DYM: variants seen among roughly 807,000 people sequenced by gnomAD.
The protein encoded by DYM is dyggve-Melchior-Clausen syndrome protein.
A neutral mutation model predicts 93.1 loss-of-function variants in DYM; 78 were observed. That is an observed-to-expected ratio of 0.84 (90% CI 0.70 to 1.01). The LOEUF is 1.01. DYM is among the 50% of genes least tolerant of loss of function. The probability of loss-of-function intolerance (pLI) is 0.00; values close to 1 mark genes in which losing one functional copy is unlikely to be tolerated. For synonymous variants in DYM, 321 were observed against 319.7 expected (o/e 1.00, Z -0.04); for missense variants, 789 against 845.0 (o/e 0.93, Z 0.82).
At chr18:49,289,380 T>C (rs1206277372) in intron 8 of DYM, among the ~76,000 whole-genome samples, 1 of 91,634 alleles carries the variant, frequency 1.1e-5, no homozygotes, top group Non-Finnish European at 2.3e-5. Context: ...AACAAAAGGA[T>C]TTTTTTAAAA....
intron 13 of DYM, among the ~76,000 whole-genome samples, chr18:49,230,201 T>C (rs547973833): frequency 1.1e-4 from 17 of 152,290 alleles, no homozygotes; most frequent in African/African-American, 2.4e-5. Flanking sequence ...ATGTAATACA[T>C]TTTTTAGTGT....
At chr18:49,181,059 G>A (rs552039565) in intron 14 of DYM, among the ~76,000 whole-genome samples, 1 of 152,270 alleles carries the variant, frequency 6.6e-6, no homozygotes, top group Non-Finnish European at 1.5e-5. Flanking sequence ...AGTCCAGGCT[G>A]CAGGCCGTTA....
chr18:49,102,186 G>C (rs139328453), intron 16 of DYM, among the ~76,000 whole-genome samples: 67 of 152,312 alleles, frequency 4.4e-4, no homozygotes, highest in African/African-American at 1.6e-3. Flanking sequence ...AACAGTAAGA[G>C]CTAACGCTCT....
chr18:49,331,805 T>C (rs754576441), intron 8 of DYM, 59 bp downstream of exon 8: 1,040 of 1,594,810 alleles, frequency 6.5e-4, no homozygotes, highest in Admixed American at 1.1e-3. Context: ...GAATTTCTTA[T>C]GCCTAAATAG....
At chr18:49,200,459 T>C (rs887557531) in intron 14 of DYM, among the ~76,000 whole-genome samples, 2 of 151,898 alleles carry the variant, frequency 1.3e-5, no homozygotes, top group Admixed American at 6.5e-5. Flanking sequence ...AATAGCAGTA[T>C]AGAAGCTTAT....
intron 8 of DYM, 120 bp from the exon 9 acceptor site, chr18:49,286,736 G>T: frequency 1.0e-6 from 1 of 994,130 alleles, no homozygotes; most frequent in Non-Finnish European, 1.6e-6. Context: ...TGTAGAACAA[G>T]AATCATGTCT....
At chr18:49,140,933 G>A (rs982242361) in intron 15 of DYM, among the ~76,000 whole-genome samples, 5 of 152,130 alleles carry the variant, frequency 3.3e-5, no homozygotes, top group African/African-American at 7.2e-5. Flanking sequence ...TCCAATGTAT[G>A]TGTTTTAATC....
chr18:49,390,750 T>C (rs7504446), intron 3 of DYM: 103,177 of 152,080 alleles, frequency 0.68, 35,658 homozygotes, highest in South Asian at 0.74. Flanking sequence ...CGTGATCCAC[T>C]CGCATCAGCC....
At chr18:49,330,418 G>A (rs775745968) in intron 8 of DYM, among the ~76,000 whole-genome samples, 21 of 152,118 alleles carry the variant, frequency 1.4e-4, no homozygotes, top group Non-Finnish European at 2.5e-4. Context: ...CTTCCTTCCT[G>A]CTATCTAGTT....
At chr18:49,059,694 C>A (rs1282306746) in intron 17 of DYM, among the ~76,000 whole-genome samples, 2 of 152,076 alleles carry the variant, frequency 1.3e-5, no homozygotes, top group African/African-American at 4.8e-5. Context: ...GGGAGTCCTG[C>A]AAGCTGAAGG....
chr18:49,298,593 A>AG (rs1235327740), intron 8 of DYM, among the ~76,000 whole-genome samples: 1 of 151,908 alleles, frequency 6.6e-6, no homozygotes, highest in Non-Finnish European at 1.5e-5. Context: ...AAAAAAAAAA[A>AG]AAAATTCTGT....
chr18:49,303,398 A>G (rs2061069471), intron 8 of DYM, among the ~76,000 whole-genome samples: 1 of 152,204 alleles, frequency 6.6e-6, no homozygotes, highest in South Asian at 2.1e-4. Flanking sequence ...GTATAATGAG[A>G]GGTTTACAAA....
chr18:49,223,957 G>A (rs1428460230), intron 13 of DYM, among the ~76,000 whole-genome samples: 1 of 152,052 alleles, frequency 6.6e-6, no homozygotes, highest in South Asian at 2.1e-4. Context: ...ATATAGCAGA[G>A]GAGTCACAGG....
intron 6 of DYM, among the ~76,000 whole-genome samples, chr18:49,353,534 GAC>G (rs1378372660): frequency 1.3e-5 from 2 of 151,798 alleles, no homozygotes; most frequent in African/African-American, 4.8e-5. Context: ...AAGGAATAAA[GAC>G]ATATATTACA....
intron 13 of DYM, among the ~76,000 whole-genome samples, chr18:49,252,702 A>G: frequency 6.6e-6 from 1 of 152,204 alleles, no homozygotes; most frequent in South Asian, 2.1e-4. Flanking sequence ...GATACTAGAG[A>G]AAACTACCTG....
At chr18:49,101,386 G>A (rs2080121854) in intron 16 of DYM, among the ~76,000 whole-genome samples, 1 of 152,122 alleles carries the variant, frequency 6.6e-6, no homozygotes, top group Admixed American at 6.6e-5. Flanking sequence ...CTTCCATTAT[G>A]CTATTAGCTT....
intron 8 of DYM, among the ~76,000 whole-genome samples, chr18:49,302,704 C>A (rs1273105521): frequency 1.3e-5 from 2 of 152,174 alleles, no homozygotes; most frequent in Admixed American, 6.5e-5. Context: ...ACATTGAAAT[C>A]TCACTAGCAT....
chr18:49,392,805 G>A (rs568646374), intron 2 of DYM, among the ~76,000 whole-genome samples: 163 of 150,652 alleles, frequency 1.1e-3, no homozygotes, highest in African/African-American at 3.8e-3. Context: ...AGACCAGCCT[G>A]GCCAATATGG....
intron 16 of DYM, among the ~76,000 whole-genome samples, chr18:49,113,804 T>C (rs1369708301): frequency 6.6e-6 from 1 of 152,208 alleles, no homozygotes; most frequent in African/African-American, 2.4e-5. Context: ...TTTCAAAATA[T>C]GTAAAAGGAG....
Sources: allele counts gnomAD v4.1 joint callset (sites outside exome capture counted in the v4.1 genomes callset), GRCh38; gene constraint gnomAD v4.1.1; transcripts MANE v1.5; gene names NCBI Gene and HGNC (gene_info 2026-07-23, HGNC 2026-07-21).